TSBP1: variants seen among roughly 807,000 people sequenced by gnomAD.
TSBP1 encodes the protein testis expressed basic protein 1, also known as testis-expressed basic protein 1.
Under a neutral mutation model 68.8 loss-of-function variants are expected in TSBP1, and 56 were observed. The observed-to-expected ratio is 0.81, with a 90% CI of 0.66 to 1.02. TSBP1 has a LOEUF of 1.02. Among genes scored for constraint, TSBP1 ranks in the 50% least tolerant of loss-of-function variants. The pLI is 0.00. For synonymous variants in TSBP1, 171 were observed against 208.7 expected (o/e 0.82, Z 1.56); for missense variants, 502 against 641.2 (o/e 0.78, Z 2.34).
At chr6:32,307,720 A>G (rs1372215559) in intron 19 of TSBP1, among the ~76,000 whole-genome samples, 1 of 149,732 alleles carries the variant, frequency 6.7e-6, no homozygotes, top group Non-Finnish European at 1.5e-5. Flanking sequence ...ACTTTCACTT[A>G]TATTTTATCT....
At chr6:32,370,823 G>A (rs1406535785) in intron 1 of TSBP1, among the ~76,000 whole-genome samples, 1 of 125,932 alleles carries the variant, frequency 7.9e-6, no homozygotes, top group Non-Finnish European at 1.7e-5. Context: ...AAAGGGCAGT[G>A]GCTATGAAGG....
At chr6:32,320,807 A>G (rs1767540606) in intron 18 of TSBP1, among the ~76,000 whole-genome samples, 1 of 152,126 alleles carries the variant, frequency 6.6e-6, no homozygotes, top group East Asian at 1.9e-4. Context: ...TATTAAATCT[A>G]GTTATTTTTC....
In TSBP1 at chr6:32,293,957, GTGCCTCCACAT is replaced by G; in HGVS notation, c.705_715del (p.Lys235AsnfsTer7). 6.2e-7 allele frequency: 1 copy of G among 1,612,524 alleles called. No homozygotes were observed. Among genetic ancestry groups the G allele is most frequent in the Non-Finnish European group, 8.5e-7 (1 of 1,179,918 alleles). ...TTCTCGGCTATTCTGAGACCTTGCAGTGCCTCCACATTTTAGAATCTGGATTTTGGAACAAG... is the reference window on the plus strand; with the variant it reads ...TTCTCGGCTATTCTGAGACCTTGCAGTTTAGAATCTGGATTTTGGAACAAG... On this transcript the variant is annotated frameshift_variant, in exon 23 of 23. Coordinates refer to ENST00000612031, the Ensembl canonical transcript of TSBP1. LOFTEE classifies it low-confidence loss of function (END_TRUNC).
At position 32,333,552 on chromosome 6, in the gene TSBP1, G is replaced by T. The variant is rs997321917; in HGVS notation, c.473-1498C>A. 2.6e-5 allele frequency among the ~76,000 whole-genome samples: 4 copies of T among 151,818 alleles called. No individual in the cohort carries two copies. Among genetic ancestry groups the T allele is most frequent in the Non-Finnish European group, 5.9e-5 (4 of 67,970 alleles). ...AGCTAGGTCAGCTCCCAACTCAACT[G>T]ACAGAAGGCCAAACAGAATAGGTCC... On this transcript the variant is annotated intron_variant, in intron 14 of 22. Transcript: ENST00000612031. This position sits in a 1 kb window ranked among gnomAD's most constrained non-coding sequence, Gnocchi z 4.2.
Position 32,325,418 on chromosome 6 carries a change from G to C in TSBP1, c.515-1804C>G. 1 of 927,998 alleles carries C rather than the reference G, an allele frequency of 1.1e-6. No homozygotes were observed. The highest frequency in any genetic ancestry group is 2.4e-5 in the East Asian group (1 of 41,768). The allele number at this position is 927,998 out of a possible 1,614,324, so 57.5% of individuals were successfully genotyped here. On this transcript the variant is annotated intron_variant, in intron 16 of 22. Coordinates refer to ENST00000612031, the Ensembl canonical transcript of TSBP1. This position sits in a 1 kb window ranked among gnomAD's most constrained non-coding sequence, Gnocchi z 4.4. ...TTTTCACATATGCCACTGTGGAGGA[G>C]GTGGATGCAGCCGTGAATGCAAGGC...
chr6:32,326,126 G>T, intron 16 of TSBP1: 1 of 1,400,546 alleles, frequency 7.1e-7, no homozygotes, highest in Non-Finnish European at 1.0e-6. Context: ...AACCAAAGTG[G>T]CTATTGTGGT....
chr6:32,294,064 A>C (rs570467703), intron 22 of TSBP1, 29 bp from the exon 26 acceptor site: 1 of 1,597,546 alleles, frequency 6.3e-7, no homozygotes, highest in East Asian at 2.2e-5. Context: ...GGCGTGATTT[A>C]GATATCAAGT....
At chr6:32,295,921 C>T (rs536870306) in intron 22 of TSBP1, among the ~76,000 whole-genome samples, 24 of 151,464 alleles carry the variant, frequency 1.6e-4, no homozygotes, top group Non-Finnish European at 2.8e-4. Context: ...CTCGGCTCAC[C>T]GCAACCTTTG....
In TSBP1 at chr6:32,365,661, T is replaced by C. The variant is rs116315649; in HGVS notation, c.217+506A>G. On this transcript the variant is annotated intron_variant, in intron 6 of 22. Coordinates refer to ENST00000612031, the Ensembl canonical transcript of TSBP1. The surrounding 1 kb of genome is among the most constrained non-coding windows in gnomAD (Gnocchi z 4.3). ...CATTAAGTTCTGCACATTTTTTCTGTGGGAGAAATTGTGGGCCAAGTGGGT... is the reference window on the plus strand; with the variant it reads ...CATTAAGTTCTGCACATTTTTTCTGCGGGAGAAATTGTGGGCCAAGTGGGT... 1,827 of 454,078 alleles carry C rather than the reference T, an allele frequency of 4.0e-3. 26 individuals carry two copies. Among genetic ancestry groups the C allele is most frequent in the African/African-American group, 0.031 (1,544 of 50,144 alleles). The allele number at this position is 454,078 out of a possible 1,614,324, so 28.1% of individuals were successfully genotyped here. A position where few individuals can be genotyped will look rare whatever the true frequency, so the allele number is the denominator to read the frequency against.
chr6:32,292,868 G>A lies in TSBP1; in HGVS notation c.*113C>T, dbSNP rs1253820122. ...AGAGCAGAAACTGTGATATGAAGAT[G>A]AAAGGGATTTTATAATTGTAATCTG... is the stretch of plus-strand genomic sequence containing the variant. On this transcript the variant is annotated 3_prime_UTR_variant, in exon 23 of 23. Transcript: ENST00000612031. The surrounding 1 kb of genome is among the most constrained non-coding windows in gnomAD (Gnocchi z 4.1). The A allele has an allele frequency of 1.4e-6, 1 of 693,120 alleles. No homozygotes were observed. The highest frequency in any genetic ancestry group is 2.4e-6 in the Non-Finnish European group (1 of 408,294). 42.9% of individuals were successfully genotyped at this position (693,120 alleles called of 1,614,324 possible).
chr6:32,356,295 G>A (rs1180178771), intron 6 of TSBP1, among the ~76,000 whole-genome samples: 1 of 150,566 alleles, frequency 6.6e-6, no homozygotes, highest in East Asian at 1.9e-4. Flanking sequence ...GAAATGTGAA[G>A]ACAATAGTAT....
At chr6:32,366,126 G>T in intron 6 of TSBP1, 41 bp downstream of exon 6, 2 of 1,597,550 alleles carry the variant, frequency 1.3e-6, no homozygotes, top group South Asian at 2.3e-5. Context: ...GAAGAAGCCT[G>T]ATTTTCCTTT....
At chr6:32,345,881 C>T (rs1770957215) in intron 9 of TSBP1, among the ~76,000 whole-genome samples, 1 of 152,112 alleles carries the variant, frequency 6.6e-6, no homozygotes, top group Non-Finnish European at 1.5e-5. Context: ...TAGGAGCACA[C>T]GTCATCTTGA....
rs1406452097 is a variant in TSBP1, at chr6:32,314,595, A to G, written c.580+1177T>C. Among the ~76,000 whole-genome samples, 2 of 152,160 alleles carry G rather than the reference A, an allele frequency of 1.3e-5. No homozygotes were observed. The highest frequency in any genetic ancestry group is 2.1e-4 in the South Asian group (1 of 4,832). ...GCTTCAGAAAGGTATGTGGATAGGG[A>G]TTTTGGAGAGACACTCACTTATAAT... is the stretch of plus-strand genomic sequence containing the variant. On this transcript the variant is annotated intron_variant, in intron 19 of 22. Transcript: ENST00000612031. This position sits in a 1 kb window ranked among gnomAD's most constrained non-coding sequence, Gnocchi z 4.2.
At chr6:32,320,685 A>T (rs539703) in intron 18 of TSBP1, among the ~76,000 whole-genome samples, 178 of 152,104 alleles carry the variant, frequency 1.2e-3, no homozygotes, top group Admixed American at 4.4e-3. Context: ...AGATATTGCC[A>T]GGTAACACTT....
intron 18 of TSBP1, 137 bp from the exon 20 acceptor site, chr6:32,322,643 A>G (rs553251088): frequency 1.6e-6 from 1 of 638,324 alleles, no homozygotes; most frequent in South Asian, 2.1e-5. Context: ...ACCACCCTAT[A>G]GATTATTTGG....
intron 8 of TSBP1, 42 bp downstream of exon 8, chr6:32,355,082 C>G: frequency 6.3e-7 from 1 of 1,586,274 alleles, no homozygotes; most frequent in Non-Finnish European, 8.6e-7. Flanking sequence ...GGCTTGCAAA[C>G]CAGATGACAG....
At chr6:32,312,438 G>A (rs1339190794) in intron 19 of TSBP1, among the ~76,000 whole-genome samples, 2 of 152,162 alleles carry the variant, frequency 1.3e-5, no homozygotes, top group African/African-American at 4.8e-5. Flanking sequence ...GGGTTTTAAA[G>A]GGGATGGCTT....
At chr6:32,294,877 TG>T (rs1764531367) in intron 22 of TSBP1, among the ~76,000 whole-genome samples, 5 of 152,190 alleles carry the variant, frequency 3.3e-5, no homozygotes, top group Non-Finnish European at 2.9e-5. Flanking sequence ...TATTTGCTTT[TG>T]TTTTTTTTAA....
Sources: allele counts gnomAD v4.1 joint callset (sites outside exome capture counted in the v4.1 genomes callset), GRCh38; gene constraint gnomAD v4.1.1; non-coding constraint Gnocchi (gnomAD v3.1); transcripts MANE v1.5; gene names NCBI Gene and HGNC (gene_info 2026-07-23, HGNC 2026-07-21).